The following ZNF200 variants were observed in gnomAD, a reference collection of about 807,000 sequenced individuals.
The protein encoded by ZNF200 is zinc finger protein 200.
Under a neutral mutation model 33.6 loss-of-function variants are expected in ZNF200, and 35 were observed. That is an observed-to-expected ratio of 1.04 (90% CI 0.80 to 1.38). The LOEUF (loss-of-function observed/expected upper bound fraction) is 1.38, where lower values mean the gene tolerates loss of function less well. Ranked by LOEUF, ZNF200 falls within the 40% of genes most tolerant of loss-of-function variation. ZNF200 has a pLI of 0.00. For synonymous variants in ZNF200, 209 were observed against 167.7 expected (o/e 1.25, Z -1.90); for missense variants, 592 against 470.6 (o/e 1.26, Z -2.39).
chr16:3,233,343 C>T (rs1283587250), intron 2 of ZNF200, among the ~76,000 whole-genome samples, 163 bp downstream of exon 2: 1 of 152,218 alleles, frequency 6.6e-6, no homozygotes. Context: ...TGTGGCCTTA[C>T]TCACACCCAG....
In ZNF200 at chr16:3,233,786, CG is replaced by C; in HGVS notation, c.-32del. The C allele has an allele frequency of 6.3e-7, 1 of 1,577,900 alleles. No homozygotes were observed. The stretch of plus-strand genomic sequence containing the variant: ...GCAACCACACACCACACTCGTTTCG[CG>C]GGGCCTCCAGAGCCACCTCTTACTA... On this transcript the variant is annotated 5_prime_UTR_variant, in exon 2 of 5. Coordinates refer to ENST00000414144, the MANE Select transcript of ZNF200 (RefSeq NM_198088.3).
chr16:3,223,693 G>GT lies in ZNF200; in HGVS notation c.*198dup. ...TAGTCCAAAAAGCCTAGATGCTGAG[G>GT]TATAGCCCTTGAAATGTTTTCTTCC... On this transcript the variant is annotated 3_prime_UTR_variant, in exon 5 of 5. Transcript: ENST00000414144. 1.3e-6 allele frequency: 1 copy of GT among 750,302 alleles called. No individual in the cohort carries two copies. The highest frequency in any genetic ancestry group is 2.1e-6 in the Non-Finnish European group (1 of 485,936). 46.5% of individuals were successfully genotyped at this position (750,302 alleles called of 1,614,324 possible).
chr16:3,224,644 G>A, intron 4 of ZNF200, 31 bp from the exon 5 acceptor site: 1 of 1,550,076 alleles, frequency 6.5e-7, no homozygotes, highest in Admixed American at 2.0e-5. Flanking sequence ...AACAACTTCT[G>A]AGAGATATCA....
chr16:3,225,573 G>A (rs75685330), intron 4 of ZNF200: 2 of 152,158 alleles, frequency 1.3e-5, no homozygotes, highest in Non-Finnish European at 2.9e-5. Context: ...GGGCACAAAA[G>A]GGATTTTTGG....
At position 3,232,423 on chromosome 16, in the gene ZNF200, A is replaced by AC. The variant is rs1958658816; in HGVS notation, c.463_464insG (p.Leu155ArgfsTer7). 6.2e-7 allele frequency: 1 copy of AC among 1,613,514 alleles called. No homozygotes were observed. The highest frequency in any genetic ancestry group is 8.5e-7 in the Non-Finnish European group (1 of 1,179,764). On this transcript the variant is annotated frameshift_variant, in exon 4 of 5. Transcript: ENST00000414144. LOFTEE classifies it high-confidence loss of function. ...ACACAAAGGCTGTGATTTCTTACCC[A>AC]GTAACATCATTTCCCCGACACTGCT...
At chr16:3,229,048 A>T (rs1311372781) in intron 4 of ZNF200, among the ~76,000 whole-genome samples, 3 of 152,200 alleles carry the variant, frequency 2.0e-5, no homozygotes, top group African/African-American at 7.2e-5. Context: ...TAAACAATTT[A>T]GTATAACAAC....
In ZNF200 at chr16:3,233,542, T is replaced by C. The variant is rs144627231; in HGVS notation, c.214A>G (p.Ile72Val). Reference protein sequence around the residue: ...PSQKVKETLVIMKDVSSSLQN... With the variant: ...PSQKVKETLVVMKDVSSSLQN... ...AGGCTTGAGCTCACATCTTTCATAA[T>C]AACCAAGGTCTCCTTGACTTTCTGA... Residue 72 changes from isoleucine to valine, a missense_variant, in exon 2 of 5, where the codon ATT (isoleucine) becomes GTT (valine). Ile to Val is a conservative substitution (Grantham distance 29, BLOSUM62 3). Coordinates refer to ENST00000414144, the MANE Select transcript of ZNF200 (RefSeq NM_198088.3). 206 of 1,581,968 alleles carry C rather than the reference T, an allele frequency of 1.3e-4. 2 individuals are homozygous for C. The East Asian group carries it at 2.5e-3, about 20-fold the overall frequency.
rs1267069986 is a variant in ZNF200 at position 3,232,477 on chromosome 16, T to C, written c.410A>G (p.Gln137Arg). The change falls in exon 4 of 5, where the codon CAA becomes CGA. Residue 137 changes from glutamine (Q) to arginine (R), a missense_variant. Physicochemically the swap from Gln to Arg is conservative, Grantham distance 43. Coordinates refer to ENST00000414144, the MANE Select transcript of ZNF200 (RefSeq NM_198088.3). ...QEECVSLDPT[Q>R]QLTSEKEDDS... ...ATCTTCCTTCTCTGACGTGAGTTGT[T>C]GAGTAGGATCCAAGCTCACACATTC... The C allele has an allele frequency of 6.2e-7, 1 of 1,614,114 alleles. No homozygotes were observed. The highest frequency in any genetic ancestry group is 2.2e-5 in the East Asian group (1 of 44,890).
intron 1 of ZNF200, chr16:3,234,739 C>T (rs1244184015): frequency 1.3e-5 from 2 of 152,272 alleles, no homozygotes; most frequent in Admixed American, 6.5e-5. Flanking sequence ...ACACCGCCTG[C>T]CGACTCCTCT....
chr16:3,231,697 AT>A (rs1958639287), intron 4 of ZNF200, among the ~76,000 whole-genome samples: 1 of 152,232 alleles, frequency 6.6e-6, no homozygotes, highest in South Asian at 2.1e-4. Flanking sequence ...CATACACGGA[AT>A]TCATTGACAA....
intron 4 of ZNF200, chr16:3,225,843 C>T (rs149249928): frequency 6.6e-6 from 1 of 151,700 alleles, no homozygotes; most frequent in African/African-American, 2.4e-5. Context: ...GGGGGCTGAT[C>T]CTGAAGCTGG....
In ZNF200 at chr16:3,232,815, T is replaced by C. The variant is rs1204903483; in HGVS notation, c.339+18A>G. The stretch of plus-strand genomic sequence containing the variant: ...GAAGGTGATGGATTCAGGCAGTAAA[T>C]GGGAAAACCAAACCCACCTCAGGGT... On this transcript the variant is annotated intron_variant, in intron 3 of 4. Transcript: ENST00000414144. 4 of 1,612,008 alleles carry C rather than the reference T, an allele frequency of 2.5e-6. No individual in the cohort carries two copies. Among genetic ancestry groups the C allele is most frequent in the African/African-American group, 2.7e-5 (2 of 74,870 alleles).
At chr16:3,232,732 A>G (rs1359079826) in intron 3 of ZNF200, 101 bp downstream of exon 3, 5 of 1,445,518 alleles carry the variant, frequency 3.5e-6, no homozygotes, top group Non-Finnish European at 4.7e-6. Flanking sequence ...CAGAAGAAAA[A>G]CACCCAAGAA....
At position 3,233,628 on chromosome 16, in the gene ZNF200, T is replaced by C; in HGVS notation, c.128A>G (p.His43Arg). 1 of 1,613,868 alleles carries C rather than the reference T, an allele frequency of 6.2e-7. No homozygotes were observed. The highest frequency in any genetic ancestry group is 8.5e-7 in the Non-Finnish European group (1 of 1,179,970). ...GAGGAAGTGCTCCAGCACTAGCTGG[T>C]GGATGGTCTTGGGCCCGTTAGTGGC... ...RDATNGPKTI[H>R]QLVLEHFLTF... The change falls in exon 2 of 5, where the codon CAC (histidine) becomes CGC (arginine). Residue 43 changes from histidine (H) to arginine (R), a missense_variant. Transcript: ENST00000414144.
chr16:3,229,249 C>G (rs1246497675), intron 4 of ZNF200, among the ~76,000 whole-genome samples: 1 of 152,064 alleles, frequency 6.6e-6, no homozygotes, highest in African/African-American at 2.4e-5. Context: ...AAGTGTATAT[C>G]AGAATTTATG....
At chr16:3,232,579 T>G in intron 3 of ZNF200, 32 bp from the exon 4 acceptor site, 1 of 1,609,634 alleles carries the variant, frequency 6.2e-7, no homozygotes, top group East Asian at 2.2e-5. Flanking sequence ...TTCATCTTAG[T>G]AACTGAGGTT....
In ZNF200 at chr16:3,233,488, C is replaced by G. The variant is rs761737771; in HGVS notation, c.250+18G>C. On this transcript the variant is annotated intron_variant, in intron 2 of 4. Coordinates refer to ENST00000414144, the MANE Select transcript of ZNF200 (RefSeq NM_198088.3). ...ACCTCCTCCTCCTCTTCTAGTGAAACAAGCATGTGCTTCTCACCTCTGTTC... is the reference window on the plus strand; with the variant it reads ...ACCTCCTCCTCCTCTTCTAGTGAAAGAAGCATGTGCTTCTCACCTCTGTTC... 10 of 1,503,192 alleles carry G rather than the reference C, an allele frequency of 6.7e-6. No individual in the cohort carries two copies. The highest frequency in any genetic ancestry group is 1.4e-5 in the African/African-American group (1 of 70,950). The allele number at this position is 1,503,192 out of a possible 1,614,324, so 93.1% of individuals were successfully genotyped here.
At chr16:3,231,672 G>A (rs1051823645) in intron 4 of ZNF200, among the ~76,000 whole-genome samples, 10 of 152,152 alleles carry the variant, frequency 6.6e-5, no homozygotes, top group Admixed American at 6.6e-4. Flanking sequence ...AATAAAGAAT[G>A]CCCCATTCAC....
chr16:3,226,022 C>G (rs1480906615), intron 4 of ZNF200: 2 of 150,308 alleles, frequency 1.3e-5, no homozygotes, highest in Non-Finnish European at 3.0e-5. Flanking sequence ...GTGTAAGCCC[C>G]CACACCCAGC....
Sources: gnomAD v4.1 joint callset for allele counts (sites outside exome capture counted in the v4.1 genomes callset) on GRCh38, gnomAD v4.1.1 for gene constraint, MANE v1.5 for transcripts, NCBI Gene and HGNC (gene_info 2026-07-23, HGNC 2026-07-21) for gene names.